The following BAZ2B variants were observed in gnomAD, a reference collection of about 807,000 sequenced individuals.
BAZ2B encodes the protein bromodomain adjacent to zinc finger domain protein 2B.
BAZ2B carries 91 observed loss-of-function variants against 246.0 expected under a neutral mutation model. The ratio of observed to expected loss-of-function variants is 0.37; its 90% CI spans 0.31 to 0.44. BAZ2B has a LOEUF of 0.44. Among genes scored for constraint, BAZ2B ranks in the 20% least tolerant of loss-of-function variants. BAZ2B has a pLI of 1.00. For missense variants in BAZ2B, 2,332 were observed against 2,533.7 expected (o/e 0.92, Z 1.71); for synonymous variants, 855 against 860.0 (o/e 0.99, Z 0.10).
At chr2:159,553,262 G>A (rs1429754436) in intron 2 of BAZ2B, among the ~76,000 whole-genome samples, 3 of 151,770 alleles carry the variant, frequency 2.0e-5, no homozygotes, top group Admixed American at 6.6e-5. Context: ...GGGCCTGGTG[G>A]CACCTGCTTG....
At chr2:159,410,223 T>C (rs2066601073) in intron 14 of BAZ2B, among the ~76,000 whole-genome samples, 2 of 152,328 alleles carry the variant, frequency 1.3e-5, no homozygotes, top group Admixed American at 1.3e-4. Context: ...GCCTGTTAAT[T>C]TATTGACTTT....
At position 159,385,260 on chromosome 2, in the gene BAZ2B, G is replaced by T. The variant is rs950008841; in HGVS notation, c.3581C>A (p.Thr1194Asn). The change falls in exon 23 of 37, where the codon ACT becomes AAT. Residue 1194 changes from threonine to asparagine, a missense_variant. This residue lies in a region of BAZ2B where 328 missense variants were observed against 410.4 expected (regional missense o/e 0.80). Coordinates refer to ENST00000392783, the MANE Select transcript of BAZ2B (RefSeq NM_013450.4). Reference protein sequence around the residue: ...MEAHCGQTELTESLKTKAFQA... With the variant: ...MEAHCGQTELNESLKTKAFQA... Reference sequence around the variant, plus strand: ...AAAAGCTTTGGTCTTCAGACTTTCAGTAAGCTCAGTTTGTCCACAGTGGGC... The same window carrying T: ...AAAAGCTTTGGTCTTCAGACTTTCATTAAGCTCAGTTTGTCCACAGTGGGC... 2 of 1,613,544 alleles carry T rather than the reference G, an allele frequency of 1.2e-6. No homozygotes were observed. Among genetic ancestry groups the T allele is most frequent in the Non-Finnish European group, 1.7e-6 (2 of 1,179,668 alleles).
intron 1 of BAZ2B, among the ~76,000 whole-genome samples, chr2:159,588,272 A>G (rs934442844): frequency 1.3e-5 from 2 of 151,580 alleles, no homozygotes; most frequent in East Asian, 3.9e-4. Context: ...ACAACACCTT[A>G]CCATTATATA....
the BAZ2B span, among the ~76,000 whole-genome samples, chr2:159,630,677 G>A: frequency 6.6e-6 from 1 of 152,016 alleles, no homozygotes; most frequent in Non-Finnish European, 1.5e-5. Context: ...GGGACTACAG[G>A]CGCCCGCTAC....
At chr2:159,412,608 T>C (rs993992067) in intron 13 of BAZ2B, 63 bp from the exon 14 acceptor site, 93 of 1,447,576 alleles carry the variant, frequency 6.4e-5, no homozygotes, top group Non-Finnish European at 7.5e-5. Flanking sequence ...GAGATCAACA[T>C]GTAAGAAAAT....
intron 6 of BAZ2B, among the ~76,000 whole-genome samples, chr2:159,442,880 T>C (rs2073680250): frequency 6.6e-6 from 1 of 152,244 alleles, no homozygotes. Context: ...AACATGTATT[T>C]ATGTATGTGT....
rs544286819 is a variant in BAZ2B, at chr2:159,359,020, C to T, written c.4214-8663G>A. On this transcript the variant is annotated intron_variant, in intron 27 of 36. Coordinates refer to ENST00000392783, the MANE Select transcript of BAZ2B (RefSeq NM_013450.4). ...ACAGAAAGCAGGAAATATCTAAAAT[C>T]GACACCCTAACATCACAATTAAAAG... Among the ~76,000 whole-genome samples the T allele has an allele frequency of 4.7e-4, 71 of 152,126 alleles. 1 individual carries two copies. Among genetic ancestry groups the T allele is most frequent in the African/African-American group, 1.4e-3 (58 of 41,514 alleles).
the BAZ2B span, among the ~76,000 whole-genome samples, chr2:159,692,728 G>T: frequency 2.0e-5 from 3 of 151,958 alleles, no homozygotes; most frequent in African/African-American, 7.2e-5. Flanking sequence ...ACAAATAAAT[G>T]GACCTGTGCA....
At chr2:159,648,573 T>C in the BAZ2B span, among the ~76,000 whole-genome samples, 46 of 152,348 alleles carry the variant, frequency 3.0e-4, no homozygotes, top group African/African-American at 1.1e-3. Context: ...TAAGATCATA[T>C]ACTATGTATT....
chr2:159,687,412 G>A, the BAZ2B span, among the ~76,000 whole-genome samples: 1 of 152,190 alleles, frequency 6.6e-6, no homozygotes, highest in East Asian at 1.9e-4. Context: ...AGGGAAGAAA[G>A]GGTGGAGACT....
the BAZ2B span, among the ~76,000 whole-genome samples, chr2:159,630,634 C>A: frequency 6.6e-6 from 1 of 151,600 alleles, no homozygotes; most frequent in Admixed American, 6.6e-5. Flanking sequence ...CCCGGGTTCA[C>A]GCCATTCTCC....
At chr2:159,395,482 A>C (rs1210166038) in intron 20 of BAZ2B, 2 of 211,358 alleles carry the variant, frequency 9.5e-6, no homozygotes, top group Non-Finnish European at 1.9e-5. Context: ...AGTTTTGTGA[A>C]ACTCTGGTGT....
intron 19 of BAZ2B, chr2:159,396,642 CA>C (rs1189470807): frequency 6.6e-6 from 1 of 151,916 alleles, no homozygotes; most frequent in African/African-American, 2.4e-5. Flanking sequence ...TTGGTTTCTC[CA>C]AAGGGATATT....
chr2:159,433,060 A>G lies in BAZ2B; in HGVS notation c.1597T>C (p.Ser533Pro). The change falls in exon 9 of 37, where the codon TCA becomes CCA. Residue 533 changes from serine to proline, a missense_variant. Physicochemically the swap from Ser to Pro is moderately conservative, Grantham distance 74. Coordinates refer to ENST00000392783, the MANE Select transcript of BAZ2B (RefSeq NM_013450.4). ...IAAASSTPFS[S>P]PVNLSTSGRR... The stretch of plus-strand genomic sequence containing the variant: ...CCACTTGTACTCAGATTTACAGGTG[A>G]GGAAAAAGGGGTGCTACTTGCAGCA... 1 of 1,614,200 alleles carries G rather than the reference A, an allele frequency of 6.2e-7. No individual in the cohort carries two copies.
chr2:159,453,318 T>C (rs2075327884), intron 4 of BAZ2B, among the ~76,000 whole-genome samples: 1 of 152,110 alleles, frequency 6.6e-6, no homozygotes, highest in Admixed American at 6.5e-5. Flanking sequence ...TACTTTTCTG[T>C]ATATTATACT....
intron 2 of BAZ2B, among the ~76,000 whole-genome samples, chr2:159,501,414 T>TAC (rs145952681): frequency 6.8e-6 from 1 of 147,850 alleles, no homozygotes; most frequent in Non-Finnish European, 1.5e-5. Context: ...GCTGTACACA[T>TAC]ACACACACAC....
At chr2:159,579,158 A>G (rs537700306) in intron 1 of BAZ2B, among the ~76,000 whole-genome samples, 1 of 152,276 alleles carries the variant, frequency 6.6e-6, no homozygotes, top group Admixed American at 6.5e-5. Flanking sequence ...AAACATCAAC[A>G]AAACTGATAG....
intron 36 of BAZ2B, among the ~76,000 whole-genome samples, chr2:159,321,615 T>A (rs1007985624): frequency 2.0e-5 from 3 of 152,148 alleles, no homozygotes; most frequent in Non-Finnish European, 2.9e-5. Context: ...ACAACGTGGA[T>A]CAAACTGGAG....
At chr2:159,708,384 C>G in the BAZ2B span, among the ~76,000 whole-genome samples, 1 of 152,110 alleles carries the variant, frequency 6.6e-6, no homozygotes, top group Non-Finnish European at 1.5e-5. Flanking sequence ...AAGTGTTCCA[C>G]AAATTGGGGA....
Sources: gnomAD v4.1 joint callset for allele counts (sites outside exome capture counted in the v4.1 genomes callset) on GRCh38, gnomAD v4.1.1 for gene constraint, gnomAD v4.1.1 regional missense constraint, MANE v1.5 for transcripts, NCBI Gene and HGNC (gene_info 2026-07-23, HGNC 2026-07-21) for gene names.